Variants in NAA11 observed in about 807,000 individuals in gnomAD.
NAA11 encodes N-alpha-acetyltransferase 11.
In NAA11, 15 loss-of-function variants were observed where a neutral mutation model predicts 16.1. That is an observed-to-expected ratio of 0.93 (90% CI 0.62 to 1.44). The LOEUF (loss-of-function observed/expected upper bound fraction) is 1.44. NAA11 is among the 40% of genes most tolerant of loss of function. The probability of loss-of-function intolerance (pLI) is 0.00; values close to 1 mark genes in which losing one functional copy is unlikely to be tolerated. For missense variants in NAA11, 298 were observed against 291.3 expected, an observed-to-expected ratio of 1.02 and a Z score of -0.17; for synonymous variants, 122 against 112.4, an observed-to-expected ratio of 1.09 and a Z score of -0.54.
At chr4:79,204,714 A>T in the NAA11 span, among the ~76,000 whole-genome samples, 1 of 151,456 alleles carries the variant, frequency 6.6e-6, no homozygotes, top group African/African-American at 2.4e-5. Flanking sequence ...TCCTCCTCCC[A>T]CCCACTCCCC....
intron 2 of NAA11, among the ~76,000 whole-genome samples, chr4:79,229,896 G>A (rs973229056): frequency 4.6e-5 from 7 of 151,934 alleles, no homozygotes; most frequent in African/African-American, 1.7e-4. Context: ...TCTGCCAATG[G>A]AAAGTCTAAC....
the NAA11 span, among the ~76,000 whole-genome samples, chr4:79,206,669 A>T: frequency 6.6e-6 from 1 of 152,074 alleles, no homozygotes; most frequent in South Asian, 2.1e-4. Context: ...TGCCTCTTTT[A>T]AAAAGTTCTA....
chr4:79,158,049 C>T, the NAA11 span, among the ~76,000 whole-genome samples: 1 of 151,802 alleles, frequency 6.6e-6, no homozygotes, highest in East Asian at 1.9e-4. Flanking sequence ...TACAGGTGCT[C>T]GCCACCACGC....
At chr4:79,269,963 C>T (rs1722452586) in intron 2 of NAA11, among the ~76,000 whole-genome samples, 1 of 152,042 alleles carries the variant, frequency 6.6e-6, no homozygotes, top group African/African-American at 2.4e-5. Context: ...AATAGGGAAT[C>T]CTTTCCCCAT....
the NAA11 span, among the ~76,000 whole-genome samples, chr4:79,167,984 C>G: frequency 6.6e-6 from 1 of 152,216 alleles, no homozygotes; most frequent in East Asian, 1.9e-4. Flanking sequence ...AACCCATCAT[C>G]TACATTAGGT....
intron 1 of NAA11, among the ~76,000 whole-genome samples, chr4:79,294,831 T>C (rs1723173329): frequency 6.6e-6 from 1 of 152,246 alleles, no homozygotes; most frequent in Non-Finnish European, 1.5e-5. Context: ...CTCTTACTTA[T>C]ATTTTCAACT....
intron 1 of NAA11, among the ~76,000 whole-genome samples, chr4:79,320,566 AC>A (rs1018110492): frequency 6.0e-4 from 91 of 152,312 alleles, no homozygotes; most frequent in African/African-American, 2.0e-3. Context: ...GAGTAATAGT[AC>A]CTACCTCACA....
In NAA11 at chr4:79,317,421, G is replaced by T. The variant is rs1032127542; in HGVS notation, c.*383C>A. ...TGGTTAAAAAACAAAAACAAAAACTGAAAGCTGGAAATCTTCAAGAGTTTG... is the reference window on the plus strand; with the variant it reads ...TGGTTAAAAAACAAAAACAAAAACTTAAAGCTGGAAATCTTCAAGAGTTTG... On this transcript the variant is annotated 3_prime_UTR_variant, in exon 2 of 2. Transcript: ENST00000286794. 1 of 150,798 alleles carries T rather than the reference G, an allele frequency of 6.6e-6. No individual in the cohort carries two copies. The highest frequency in any genetic ancestry group is 1.5e-5 in the Non-Finnish European group (1 of 67,952). The allele number at this position is 150,798 out of a possible 1,614,324, so 9.3% of individuals were successfully genotyped here. A position where few individuals can be genotyped will look rare whatever the true frequency, so the allele number is the denominator to read the frequency against.
At chr4:79,188,957 C>T in the NAA11 span, among the ~76,000 whole-genome samples, 47 of 151,698 alleles carry the variant, frequency 3.1e-4, no homozygotes, top group Non-Finnish European at 5.0e-4. Flanking sequence ...AAGGGCCGAG[C>T]GCAGTGGCTC....
intron 2 of NAA11, among the ~76,000 whole-genome samples, chr4:79,267,665 C>T (rs565680144): frequency 6.6e-6 from 1 of 152,192 alleles, no homozygotes; most frequent in East Asian, 1.9e-4. Flanking sequence ...TTGTGTCCTC[C>T]TCTTCTTGGG....
the NAA11 span, among the ~76,000 whole-genome samples, chr4:79,185,882 A>C: frequency 3.3e-5 from 5 of 152,304 alleles, no homozygotes; most frequent in African/African-American, 1.2e-4. Flanking sequence ...TAAAAAAAAA[A>C]AAACTTCATT....
chr4:79,272,192 G>T (rs1722510279), intron 2 of NAA11, among the ~76,000 whole-genome samples: 1 of 151,748 alleles, frequency 6.6e-6, no homozygotes, highest in African/African-American at 2.4e-5. Context: ...AAATGTATTT[G>T]TAAGTAATAC....
chr4:79,268,653 C>T (rs1046250177), intron 2 of NAA11, among the ~76,000 whole-genome samples: 1 of 152,080 alleles, frequency 6.6e-6, no homozygotes, highest in African/African-American at 2.4e-5. Context: ...ATAAGGAATC[C>T]TTTCTTCCTC....
intron 1 of NAA11, among the ~76,000 whole-genome samples, chr4:79,303,075 T>A (rs1288338379): frequency 1.5e-3 from 129 of 84,672 alleles, no homozygotes; most frequent in African/African-American, 7.8e-3. Context: ...CTTGAGGCCT[T>A]TTATATATAT....
At chr4:79,216,334 T>C in the NAA11 span, among the ~76,000 whole-genome samples, 1 of 152,128 alleles carries the variant, frequency 6.6e-6, no homozygotes, top group African/African-American at 2.4e-5. Flanking sequence ...TTTGAGATCA[T>C]AGTATATCTC....
intron 1 of NAA11, among the ~76,000 whole-genome samples, chr4:79,302,909 GA>G (rs1380300626): frequency 6.6e-6 from 1 of 151,786 alleles, no homozygotes; most frequent in East Asian, 1.9e-4. Flanking sequence ...TGGATCGTTA[GA>G]TAAGACAGAA....
At chr4:79,282,956 G>A (rs1722828989) in intron 2 of NAA11, among the ~76,000 whole-genome samples, 3 of 152,120 alleles carry the variant, frequency 2.0e-5, no homozygotes, top group African/African-American at 7.2e-5. Flanking sequence ...CAGTAAGGAT[G>A]GAGGAAGTAG....
At chr4:79,190,348 T>C in the NAA11 span, among the ~76,000 whole-genome samples, 1 of 152,328 alleles carries the variant, frequency 6.6e-6, no homozygotes, top group East Asian at 1.9e-4. Flanking sequence ...AATCATTTTT[T>C]AAAAAGTTTG....
At chr4:79,190,068 A>C in the NAA11 span, among the ~76,000 whole-genome samples, 1 of 152,218 alleles carries the variant, frequency 6.6e-6, no homozygotes, top group Non-Finnish European at 1.5e-5. Context: ...GCAGAAACAA[A>C]AAACCCGCAC....
Sources: allele counts gnomAD v4.1 joint callset (sites outside exome capture counted in the v4.1 genomes callset), GRCh38; gene constraint gnomAD v4.1.1; transcripts MANE v1.5; gene names NCBI Gene and HGNC (gene_info 2026-07-23, HGNC 2026-07-21).